ARHGAP35: variants seen among roughly 807,000 people sequenced by gnomAD.
ARHGAP35 encodes the protein Rho GTPase activating protein 35, also known as rho GTPase-activating protein 35.
Under a neutral mutation model 111.1 loss-of-function variants are expected in ARHGAP35, and 15 were observed. The ratio of observed to expected loss-of-function variants is 0.13; its 90% confidence interval spans 0.09 to 0.21. The LOEUF is 0.21. Ranked by LOEUF, ARHGAP35 falls within the 10% of genes least tolerant of loss-of-function variation. The pLI, the probability that ARHGAP35 is intolerant of heterozygous loss-of-function variation, is 1.00. For synonymous variants in ARHGAP35, 643 were observed against 710.3 expected, an observed-to-expected ratio of 0.91 and a Z score of 1.51; for missense variants, 1,262 against 1,873.0, an observed-to-expected ratio of 0.67 and a Z score of 6.02.
intron 1 of ARHGAP35, among the ~76,000 whole-genome samples, chr19:46,887,164 G>C: frequency 6.6e-6 from 1 of 151,948 alleles, no homozygotes; most frequent in Non-Finnish European, 1.5e-5. Context: ...ACTCGTTACT[G>C]AAAGGATATA....
chr19:46,863,941 G>A (rs541960435), intron 1 of ARHGAP35, among the ~76,000 whole-genome samples: 2 of 152,344 alleles, frequency 1.3e-5, no homozygotes, highest in East Asian at 3.9e-4. Flanking sequence ...AAAGCACTTT[G>A]CGGTTGTTTG....
intron 2 of ARHGAP35, among the ~76,000 whole-genome samples, chr19:46,925,077 G>T (rs979083976): frequency 6.6e-6 from 1 of 152,108 alleles, no homozygotes; most frequent in African/African-American, 2.4e-5. Context: ...TCGGCTTCCG[G>T]TCTATCTTTA....
intron 3 of ARHGAP35, chr19:46,948,364 A>G (rs1305044491): frequency 6.6e-6 from 1 of 152,230 alleles, no homozygotes; most frequent in Admixed American, 6.5e-5. Flanking sequence ...GTTCTGACAC[A>G]TTATCTTACA....
intron 3 of ARHGAP35, among the ~76,000 whole-genome samples, chr19:46,978,687 A>ATG (rs1267571246): frequency 1.8e-4 from 2 of 11,096 alleles, no homozygotes; most frequent in Non-Finnish European, 3.5e-4. Flanking sequence ...GTGTGGTGGG[A>ATG]TGTGTGTGTG....
In ARHGAP35 at chr19:46,921,353, T is replaced by C; in HGVS notation, c.2678T>C (p.Val893Ala). ...CTTGTAGCACTCACTGATGGCGCTG[T>C]AGATGTCCTGGACAATGACTTAAGT... ...IQLVALTDGAVDVLDNDLSRE... is the reference protein window; with the variant it reads ...IQLVALTDGAADVLDNDLSRE... Residue 893 changes from valine (V) to alanine (A), a missense_variant, in exon 2 of 7, where the codon GTA becomes GCA. Physicochemically the swap from Val to Ala is moderately conservative, Grantham distance 64. Coordinates refer to ENST00000672722, the MANE Select transcript of ARHGAP35 (RefSeq NM_004491.5). The surrounding 1 kb of genome is among the most constrained non-coding windows in gnomAD (Gnocchi z 4.3). 1 of 1,613,938 alleles carries C rather than the reference T, an allele frequency of 6.2e-7. No individual in the cohort carries two copies. Among genetic ancestry groups the C allele is most frequent in the Non-Finnish European group, 8.5e-7 (1 of 1,179,880 alleles).
chr19:46,912,343 C>T (rs1242266581), intron 1 of ARHGAP35, among the ~76,000 whole-genome samples: 2 of 150,724 alleles, frequency 1.3e-5, no homozygotes, highest in East Asian at 2.0e-4. Context: ...CGTGCCCGGC[C>T]AGTGTTCTCT....
At chr19:46,876,533 C>CTG (rs1450676002) in intron 1 of ARHGAP35, among the ~76,000 whole-genome samples, 54 of 151,618 alleles carry the variant, frequency 3.6e-4, no homozygotes, top group African/African-American at 1.3e-3. Flanking sequence ...CCACCACGCC[C>CTG]GGCTAATTTT....
intron 1 of ARHGAP35, among the ~76,000 whole-genome samples, chr19:46,879,538 G>A (rs898856810): frequency 2.0e-5 from 3 of 151,642 alleles, no homozygotes; most frequent in Admixed American, 1.3e-4. Context: ...AGTGAGCCAA[G>A]ATCGCGCCAC....
At chr19:46,879,922 C>T (rs1450661662) in intron 1 of ARHGAP35, among the ~76,000 whole-genome samples, 3 of 151,578 alleles carry the variant, frequency 2.0e-5, no homozygotes, top group African/African-American at 7.3e-5. Flanking sequence ...CCCATATCTA[C>T]TAAGAATACA....
chr19:46,935,572 G>A (rs1179331098), intron 2 of ARHGAP35, among the ~76,000 whole-genome samples: 1 of 152,164 alleles, frequency 6.6e-6, no homozygotes, highest in Non-Finnish European at 1.5e-5. Context: ...CCTGCGGCCT[G>A]GCGGTTCGTT....
intron 1 of ARHGAP35, among the ~76,000 whole-genome samples, chr19:46,880,123 CT>C (rs2055952815): frequency 6.6e-6 from 1 of 150,696 alleles, no homozygotes; most frequent in Non-Finnish European, 1.5e-5. Flanking sequence ...AAATAAATCA[CT>C]TTCTTTGCTC....
At chr19:46,864,189 T>C (rs1274824501) in intron 1 of ARHGAP35, among the ~76,000 whole-genome samples, 1 of 152,260 alleles carries the variant, frequency 6.6e-6, no homozygotes, top group East Asian at 1.9e-4. Flanking sequence ...TTTTTAGTCT[T>C]ATTATCTGAG....
chr19:46,965,293 A>G (rs2122280428), intron 3 of ARHGAP35, among the ~76,000 whole-genome samples: 1 of 152,364 alleles, frequency 6.6e-6, no homozygotes, highest in East Asian at 1.9e-4. Context: ...AGCCTGGAGG[A>G]CAAGAGCGAG....
chr19:46,881,675 T>C (rs2055963148), intron 1 of ARHGAP35, among the ~76,000 whole-genome samples: 2 of 152,214 alleles, frequency 1.3e-5, no homozygotes, highest in South Asian at 4.1e-4. Flanking sequence ...CCTGTAGGAT[T>C]TTCAGAATAG....
At chr19:46,937,545 C>A in intron 3 of ARHGAP35, 137 bp downstream of exon 3, 1 of 948,246 alleles carries the variant, frequency 1.1e-6, no homozygotes, top group Non-Finnish European at 1.6e-6. Flanking sequence ...TGAGCAGTCC[C>A]AACAGTTGTC....
rs1378705695 is a variant in ARHGAP35 at position 47,003,538 on chromosome 19, C to T, written c.*2850C>T. ...GTGGCTCGTGAATCCACTTAGAATT[C>T]TTGGCTTGTGTCGCATACTGGGTGT... On this transcript the variant is annotated 3_prime_UTR_variant, in exon 7 of 7. Transcript: ENST00000672722. 1 of 152,272 alleles carries T rather than the reference C, an allele frequency of 6.6e-6. No individual in the cohort carries two copies. The highest frequency in any genetic ancestry group is 1.5e-5 in the Non-Finnish European group (1 of 68,090). 9.4% of individuals were successfully genotyped at this position (152,272 alleles called of 1,614,324 possible). A position where few individuals can be genotyped will look rare whatever the true frequency, so the allele number is the denominator to read the frequency against.
intron 3 of ARHGAP35, among the ~76,000 whole-genome samples, chr19:46,963,923 A>G (rs1242191468): frequency 6.7e-6 from 1 of 149,228 alleles, no homozygotes; most frequent in Admixed American, 6.7e-5. Flanking sequence ...GCTGGAGTGC[A>G]GTGGCGCAAT....
intron 3 of ARHGAP35, among the ~76,000 whole-genome samples, chr19:46,956,789 C>T (rs943440819): frequency 6.6e-6 from 1 of 152,090 alleles, no homozygotes; most frequent in Non-Finnish European, 1.5e-5. Flanking sequence ...CTTACCCTGT[C>T]TAAGCCTCAG....
chr19:46,913,002 T>C (rs1483746344), intron 1 of ARHGAP35, among the ~76,000 whole-genome samples: 2 of 151,912 alleles, frequency 1.3e-5, no homozygotes, highest in Non-Finnish European at 2.9e-5. Context: ...TTAAGGAAAA[T>C]TGTGATAACA....
Sources: gnomAD v4.1 joint callset for allele counts (sites outside exome capture counted in the v4.1 genomes callset) on GRCh38, gnomAD v4.1.1 for gene constraint, Gnocchi (gnomAD v3.1) non-coding constraint, MANE v1.5 for transcripts, NCBI Gene and HGNC (gene_info 2026-07-23, HGNC 2026-07-21) for gene names.